Variants in ODAD2 observed in about 807,000 individuals in gnomAD.
ODAD2 encodes outer dynein arm docking complex subunit 2, also known as outer dynein arm-docking complex subunit 2.
In ODAD2, 89 loss-of-function variants were observed where a neutral mutation model predicts 106.8. The ratio of observed to expected loss-of-function variants is 0.83; its 90% confidence interval spans 0.70 to 0.99. ODAD2 has a LOEUF of 0.99. Among genes scored for constraint, ODAD2 ranks in the 50% least tolerant of loss-of-function variants. The pLI, the probability that ODAD2 is intolerant of heterozygous loss-of-function variation, is 0.00. For missense variants in ODAD2, 1,168 were observed against 1,238.5 expected (o/e 0.94, Z 0.85); for synonymous variants, 404 against 436.2 (o/e 0.93, Z 0.92).
intron 17 of ODAD2, among the ~76,000 whole-genome samples, chr10:27,886,397 C>A (rs1842222493): frequency 6.6e-6 from 1 of 151,900 alleles, no homozygotes; most frequent in Non-Finnish European, 1.5e-5. Context: ...AAACTATAAA[C>A]TGAACATTCG....
chr10:27,960,731 AT>A (rs1302897818), intron 10 of ODAD2, among the ~76,000 whole-genome samples: 4 of 152,358 alleles, frequency 2.6e-5, no homozygotes, highest in Admixed American at 2.6e-4. Context: ...AAATGTTTAC[AT>A]TGTGCAATGA....
intron 8 of ODAD2, among the ~76,000 whole-genome samples, chr10:27,970,710 T>C (rs950301428): frequency 1.3e-5 from 2 of 152,190 alleles, no homozygotes; most frequent in African/African-American, 4.8e-5. Context: ...ATGCCTGTAA[T>C]CCCAGCATTT....
chr10:27,875,780 G>A (rs941324812), intron 17 of ODAD2, among the ~76,000 whole-genome samples: 4 of 152,176 alleles, frequency 2.6e-5, no homozygotes, highest in African/African-American at 9.7e-5. Context: ...AGGGGTCAGG[G>A]AATTCCCTTT....
In ODAD2 at chr10:27,934,992, A is replaced by G. The variant is rs760864014; in HGVS notation, c.2495+18T>C. The G allele has an allele frequency of 2.5e-6, 4 of 1,613,148 alleles. No homozygotes were observed. The highest frequency in any genetic ancestry group is 3.4e-6 in the Non-Finnish European group (4 of 1,179,338). On this transcript the variant is annotated intron_variant, in intron 16 of 19. Coordinates refer to ENST00000305242, the MANE Select transcript of ODAD2 (RefSeq NM_018076.5). ...CCTAACACTTATATAAAATCTTTCC[A>G]TCTCCAGGGCCACTTACATCATACT... is the stretch of plus-strand genomic sequence containing the variant.
At chr10:27,862,346 T>C (rs1273810530) in intron 18 of ODAD2, 88 bp downstream of exon 18, 1 of 1,075,810 alleles carries the variant, frequency 9.3e-7, no homozygotes, top group African/African-American at 1.6e-5. Flanking sequence ...TGAATCCAGG[T>C]TTCTGGACTG....
At chr10:27,930,509 G>A (rs1033294067) in intron 16 of ODAD2, among the ~76,000 whole-genome samples, 2 of 151,720 alleles carry the variant, frequency 1.3e-5, no homozygotes, top group Non-Finnish European at 1.5e-5. Context: ...GTGAGACCTT[G>A]TCTCTGAAAA....
At chr10:27,920,884 C>A (rs1844731125) in intron 16 of ODAD2, among the ~76,000 whole-genome samples, 1 of 151,340 alleles carries the variant, frequency 6.6e-6, no homozygotes, top group Non-Finnish European at 1.5e-5. Flanking sequence ...TATGTAAATG[C>A]AACATAATTA....
chr10:27,861,430 T>G (rs1840033080), intron 18 of ODAD2, among the ~76,000 whole-genome samples: 1 of 152,240 alleles, frequency 6.6e-6, no homozygotes, highest in Non-Finnish European at 1.5e-5. Context: ...CTAGATTTTC[T>G]TTAGAGTGAG....
At chr10:27,841,751 T>G (rs1418444669) in intron 19 of ODAD2, among the ~76,000 whole-genome samples, 2 of 151,870 alleles carry the variant, frequency 1.3e-5, no homozygotes, top group Admixed American at 1.3e-4. Flanking sequence ...GTGATCATCT[T>G]TTTTTGTTTG....
chr10:27,841,546 C>T (rs1323116337), intron 19 of ODAD2, among the ~76,000 whole-genome samples: 1 of 152,062 alleles, frequency 6.6e-6, no homozygotes, highest in Non-Finnish European at 1.5e-5. Flanking sequence ...CAGGTGCCCG[C>T]CACCATGCCC....
chr10:27,812,619 G>A lies in ODAD2; in HGVS notation c.3028C>T (p.Leu1010=), dbSNP rs1442049616. The A allele has an allele frequency of 6.3e-7, 1 of 1,592,786 alleles. No individual in the cohort carries two copies. The highest frequency in any genetic ancestry group is 1.9e-5 in the Admixed American group (1 of 53,872). ...MHENGAVKLL[L]DMVGSPDQDL... ...TGGTCAGGGGACCCAACCATATCCA[G>A]TAGAAGCTGTCACACATAAGGAGGA... Residue 1010 remains leucine, a synonymous_variant, in exon 20 of 20, where the codon CTG becomes TTG. Transcript: ENST00000305242.
intron 17 of ODAD2, among the ~76,000 whole-genome samples, chr10:27,880,766 C>G (rs971005713): frequency 6.6e-6 from 1 of 152,160 alleles, no homozygotes; most frequent in Non-Finnish European, 1.5e-5. Context: ...GACTTCCCAG[C>G]CTCCAGAATT....
At chr10:27,921,944 A>T (rs543569986) in intron 16 of ODAD2, among the ~76,000 whole-genome samples, 115 of 151,540 alleles carry the variant, frequency 7.6e-4, no homozygotes, top group Admixed American at 1.5e-3. Flanking sequence ...AGGAGGGTGG[A>T]TAGCTTCAGC....
In ODAD2 at chr10:27,931,820, G is replaced by C. The variant is rs545405584; in HGVS notation, c.2495+3190C>G. Among the ~76,000 whole-genome samples the C allele has an allele frequency of 7.3e-5, 11 of 150,290 alleles. No homozygotes were observed. The East Asian group carries it at 2.1e-3, about 29-fold the overall frequency. ...AGCTGAGATACAGAATAGAAGTAGA[G>C]GCTTCGCAAGAGTAAGTTCTAATCT... is the stretch of plus-strand genomic sequence containing the variant. On this transcript the variant is annotated intron_variant, in intron 16 of 19. Coordinates refer to ENST00000305242, the MANE Select transcript of ODAD2 (RefSeq NM_018076.5).
intron 9 of ODAD2, among the ~76,000 whole-genome samples, chr10:27,965,411 G>T (rs958300285): frequency 4.1e-4 from 63 of 152,162 alleles, no homozygotes; most frequent in African/African-American, 1.5e-3. Context: ...TGCATAGGGT[G>T]AGGATATAAG....
chr10:27,997,385 A>C (rs1219481397), intron 1 of ODAD2: 1 of 147,176 alleles, frequency 6.8e-6, no homozygotes, highest in Admixed American at 6.6e-5. Context: ...TTTAATCTTA[A>C]GTATAACATT....
At chr10:27,932,551 T>A (rs1845688547) in intron 16 of ODAD2, among the ~76,000 whole-genome samples, 1 of 152,170 alleles carries the variant, frequency 6.6e-6, no homozygotes, top group African/African-American at 2.4e-5. Context: ...AATGATAAAT[T>A]CTATATGGAA....
intron 9 of ODAD2, among the ~76,000 whole-genome samples, chr10:27,962,476 G>A (rs1471993350): frequency 1.3e-5 from 2 of 152,184 alleles, no homozygotes; most frequent in African/African-American, 2.4e-5. Flanking sequence ...ACCAAAGAGA[G>A]TCAATATTCA....
intron 19 of ODAD2, among the ~76,000 whole-genome samples, chr10:27,824,239 C>G (rs1243449263): frequency 6.6e-6 from 1 of 151,638 alleles, no homozygotes; most frequent in African/African-American, 2.4e-5. Flanking sequence ...AACATCAAAT[C>G]CTGCTATGGA....
Sources: gnomAD v4.1 joint callset for allele counts (sites outside exome capture counted in the v4.1 genomes callset) on GRCh38, gnomAD v4.1.1 for gene constraint, MANE v1.5 for transcripts, NCBI Gene and HGNC (gene_info 2026-07-23, HGNC 2026-07-21) for gene names.